Variants in FAAH2 observed in about 807,000 individuals in gnomAD.
The protein encoded by FAAH2 is fatty-acid amide hydrolase 2.
Under a neutral mutation model 36.9 loss-of-function variants are expected in FAAH2, and 60 were observed. That is an observed-to-expected ratio of 1.63 (90% CI 1.32 to 2.02). FAAH2 has a LOEUF of 2.02. Among genes scored for constraint, FAAH2 ranks in the 30% most tolerant of loss-of-function variants. The pLI is 0.00. For synonymous variants in FAAH2, 214 were observed against 143.8 expected (o/e 1.49, Z -3.49); for missense variants, 689 against 397.5 (o/e 1.73, Z -6.23).
intron 3 of FAAH2, among the ~76,000 whole-genome samples, chrX:57,318,076 G>T (rs756467068): frequency 1.2e-4 from 13 of 111,405 alleles, no homozygotes; most frequent in Non-Finnish European, 2.1e-4. Context: ...ATCTAAAATT[G>T]ACACCCTAAC....
intron 5 of FAAH2, among the ~76,000 whole-genome samples, chrX:57,365,843 T>C (rs987286269): frequency 2.3e-4 from 26 of 112,339 alleles, no homozygotes; most frequent in Admixed American, 2.2e-3. Flanking sequence ...GTCTGTTACG[T>C]TATTAATGCT....
intron 10 of FAAH2, among the ~76,000 whole-genome samples, chrX:57,464,051 C>T (rs747568080): frequency 8.9e-6 from 1 of 112,210 alleles, no homozygotes; most frequent in Non-Finnish European, 1.9e-5. Context: ...TGCACATATA[C>T]ACCATAAAGT....
At chrX:57,144,042 C>T in the FAAH2 span, among the ~76,000 whole-genome samples, 15 of 111,783 alleles carry the variant, frequency 1.3e-4, no homozygotes, top group African/African-American at 4.9e-4. Context: ...TTTTAAGGAT[C>T]ACTTTGCTGG....
At chrX:57,271,052 A>T in the FAAH2 span, among the ~76,000 whole-genome samples, 1 of 112,465 alleles carries the variant, frequency 8.9e-6, no homozygotes, top group African/African-American at 3.2e-5. Context: ...TCCCATCCAC[A>T]TGGAGCCCAG....
At chrX:57,284,496 T>A (rs1221263967), upstream of FAAH2, among the ~76,000 whole-genome samples, 6 of 112,305 alleles carry the variant, frequency 5.3e-5, no homozygotes, top group African/African-American at 1.9e-4. Context: ...ATCTTAATGG[T>A]CTTATGATAA....
intron 7 of FAAH2, 77 bp downstream of exon 7, chrX:57,381,106 T>A: frequency 7.1e-6 from 5 of 707,942 alleles, no homozygotes. Context: ...CTTCACTTAC[T>A]GCCAAATATT....
intron 2 of FAAH2, among the ~76,000 whole-genome samples, chrX:57,295,813 C>T (rs1004506973): frequency 5.3e-5 from 6 of 112,538 alleles, no homozygotes; most frequent in African/African-American, 1.6e-4. Flanking sequence ...GATTATATCC[C>T]GCACTTGGAT....
At chrX:57,301,634 AATAATAAT>A (rs2052375088) in intron 2 of FAAH2, among the ~76,000 whole-genome samples, 1 of 108,326 alleles carries the variant, frequency 9.2e-6, no homozygotes, top group South Asian at 3.9e-4. Flanking sequence ...TAATAATAAT[AATAATAAT>A]AAAAGAAATA....
chrX:57,186,034 C>T, the FAAH2 span, among the ~76,000 whole-genome samples: 1 of 111,085 alleles, frequency 9.0e-6, no homozygotes, highest in Non-Finnish European at 1.9e-5. Flanking sequence ...CATACATGTG[C>T]AGGAGTCTTT....
At chrX:57,260,921 C>A in the FAAH2 span, among the ~76,000 whole-genome samples, 1 of 111,609 alleles carries the variant, frequency 9.0e-6, no homozygotes, top group Non-Finnish European at 1.9e-5. Flanking sequence ...TGTAGTGCAA[C>A]TAGAAATTTC....
At chrX:57,163,509 G>C in the FAAH2 span, among the ~76,000 whole-genome samples, 2 of 111,531 alleles carry the variant, frequency 1.8e-5, no homozygotes, top group Admixed American at 9.5e-5. Context: ...TAGCAATCAG[G>C]GAGACTCCGT....
the FAAH2 span, among the ~76,000 whole-genome samples, chrX:57,270,816 G>A: frequency 1.8e-5 from 2 of 111,925 alleles, no homozygotes; most frequent in South Asian, 7.4e-4. Flanking sequence ...TTGTCCCTCA[G>A]TCTTCACAAC....
the FAAH2 span, among the ~76,000 whole-genome samples, chrX:57,274,969 G>T: frequency 8.9e-6 from 1 of 111,917 alleles, no homozygotes; most frequent in Non-Finnish European, 1.9e-5. Context: ...CAAATTGTCT[G>T]TGTTTGCAGA....
At chrX:57,214,225 G>A in the FAAH2 span, among the ~76,000 whole-genome samples, 76 of 111,453 alleles carry the variant, frequency 6.8e-4, no homozygotes, top group African/African-American at 2.3e-3. Flanking sequence ...GCCACATAGC[G>A]TTGGTTTGTT....
the FAAH2 span, among the ~76,000 whole-genome samples, chrX:57,173,801 T>C: frequency 1.8e-5 from 2 of 111,939 alleles, no homozygotes; most frequent in Admixed American, 1.9e-4. Flanking sequence ...TTATTGAATG[T>C]TTTTTTCTTA....
the FAAH2 span, among the ~76,000 whole-genome samples, chrX:57,172,796 T>C: frequency 9.0e-6 from 1 of 111,654 alleles, no homozygotes; most frequent in Non-Finnish European, 1.9e-5. Flanking sequence ...GCCAGCCTGC[T>C]GGTGTGCTCC....
At chrX:57,448,334 A>T (rs909268987) in intron 9 of FAAH2, among the ~76,000 whole-genome samples, 190 bp from the exon 10 acceptor site, 3 of 112,626 alleles carry the variant, frequency 2.7e-5, no homozygotes, top group African/African-American at 9.7e-5. Flanking sequence ...GAGGCTAGAA[A>T]TGTTATATAT....
the FAAH2 span, among the ~76,000 whole-genome samples, chrX:57,149,314 A>G: frequency 9.0e-6 from 1 of 111,671 alleles, no homozygotes; most frequent in Non-Finnish European, 1.9e-5. Context: ...ATTGATGGGA[A>G]TAGTTTCAGA....
At chrX:57,463,918 A>T (rs768920139) in intron 10 of FAAH2, among the ~76,000 whole-genome samples, 1 of 112,009 alleles carries the variant, frequency 8.9e-6, no homozygotes, top group African/African-American at 3.2e-5. Context: ...TACCCAAAGG[A>T]TTACAAATCA....
Sources: gnomAD v4.1 joint callset for allele counts (sites outside exome capture counted in the v4.1 genomes callset) on GRCh38, gnomAD v4.1.1 for gene constraint, MANE v1.5 for transcripts, NCBI Gene and HGNC (gene_info 2026-07-23, HGNC 2026-07-21) for gene names.